Variants in TTC7B observed in about 807,000 individuals in gnomAD.
TTC7B encodes the protein tetratricopeptide repeat protein 7B.
In TTC7B, 28 loss-of-function variants were observed where a neutral mutation model predicts 106.8. That is an observed-to-expected ratio of 0.26 (90% CI 0.19 to 0.36). The LOEUF (loss-of-function observed/expected upper bound fraction) is 0.36. TTC7B is among the 10% of genes least tolerant of loss of function. TTC7B has a pLI of 1.00. For missense variants in TTC7B, 862 were observed against 1,076.4 expected, an observed-to-expected ratio of 0.80 and a Z score of 2.79; for synonymous variants, 405 against 430.6, an observed-to-expected ratio of 0.94 and a Z score of 0.74.
intron 15 of TTC7B, among the ~76,000 whole-genome samples, chr14:90,642,081 C>G (rs1294717367): frequency 6.6e-6 from 1 of 152,072 alleles, no homozygotes; most frequent in African/African-American, 2.4e-5. Context: ...AGTGCTTTAA[C>G]CATTTTAAGG....
rs1289122142 is a variant in TTC7B, at chr14:90,759,314, A to T, written c.446-14392T>A. Among the ~76,000 whole-genome samples the T allele has an allele frequency of 6.6e-6, 1 of 152,168 alleles. No individual in the cohort carries two copies. The highest frequency in any genetic ancestry group is 1.5e-5 in the Non-Finnish European group (1 of 68,034). On this transcript the variant is annotated intron_variant, in intron 3 of 19. Coordinates refer to ENST00000328459, the MANE Select transcript of TTC7B (RefSeq NM_001010854.2). This position sits in a 1 kb window ranked among gnomAD's most constrained non-coding sequence, Gnocchi z 4.1. ...TTTGGGAGAAGAAAATGAACACCAG[A>T]CATGGTTTGGAAACGATGGAAGCCA...
At chr14:90,556,115 A>G (rs1258707173) in intron 19 of TTC7B, among the ~76,000 whole-genome samples, 3 of 152,212 alleles carry the variant, frequency 2.0e-5, no homozygotes, top group Admixed American at 6.5e-5. Flanking sequence ...CCCACGTAAC[A>G]TCAAAGGACA....
rs144684908 is a variant in TTC7B, at chr14:90,757,312, C to G, written c.446-12390G>C. Among the ~76,000 whole-genome samples the G allele has an allele frequency of 2.6e-5, 4 of 152,286 alleles. No individual in the cohort carries two copies. The highest frequency in any genetic ancestry group is 5.9e-5 in the Non-Finnish European group (4 of 68,020). On this transcript the variant is annotated intron_variant, in intron 3 of 19. Coordinates refer to ENST00000328459, the MANE Select transcript of TTC7B (RefSeq NM_001010854.2). The surrounding 1 kb of genome is among the most constrained non-coding windows in gnomAD (Gnocchi z 4.1). ...ATGAAAAGCAGTCCTGGCGCGGTGG[C>G]TCACATCTGTATTCCCAGCACTTTG...
rs1445892690 is a variant in TTC7B at position 90,590,752 on chromosome 14, C to T, written c.2107+2734G>A. 5.3e-5 allele frequency among the ~76,000 whole-genome samples: 8 copies of T among 152,122 alleles called. No individual in the cohort carries two copies. In the South Asian group the frequency reaches 1.2e-3, roughly 24 times the overall value. On this transcript the variant is annotated intron_variant, in intron 18 of 19. Coordinates refer to ENST00000328459, the MANE Select transcript of TTC7B (RefSeq NM_001010854.2). Reference sequence around the variant, plus strand: ...TGAAGGACTATGTGAATATATGATACGATTCTAAATCTTGACTCAAGCAAA... The same window carrying T: ...TGAAGGACTATGTGAATATATGATATGATTCTAAATCTTGACTCAAGCAAA...
rs890840550 is a variant in TTC7B at position 90,804,814 on chromosome 14, G to T, written c.121+11361C>A. Among the ~76,000 whole-genome samples the T allele has an allele frequency of 3.3e-5, 5 of 152,332 alleles. No individual in the cohort carries two copies. In the Middle Eastern group the frequency reaches 0.01, roughly 311 times the overall value. Reference sequence around the variant, plus strand: ...CTTCGGGCCTGCAAGGGCCAGGGGGGTAGTTCCTCAAGGGAACCAGGCCTC... The same window carrying T: ...CTTCGGGCCTGCAAGGGCCAGGGGGTTAGTTCCTCAAGGGAACCAGGCCTC... On this transcript the variant is annotated intron_variant, in intron 1 of 19. Coordinates refer to ENST00000328459, the MANE Select transcript of TTC7B (RefSeq NM_001010854.2).
chr14:90,568,240 C>T (rs1890880704), intron 19 of TTC7B, among the ~76,000 whole-genome samples: 1 of 152,116 alleles, frequency 6.6e-6, no homozygotes, highest in Non-Finnish European at 1.5e-5. Flanking sequence ...GAATCGGGAC[C>T]AGAATCTGAG....
chr14:90,626,356 T>C (rs1344867673), intron 15 of TTC7B, among the ~76,000 whole-genome samples: 1 of 152,144 alleles, frequency 6.6e-6, no homozygotes, highest in African/African-American at 2.4e-5. Context: ...CCCCTGCCCG[T>C]GTCTTGAACA....
At chr14:90,590,451 C>A (rs560320056) in intron 18 of TTC7B, among the ~76,000 whole-genome samples, 1 of 152,202 alleles carries the variant, frequency 6.6e-6, no homozygotes, top group Non-Finnish European at 1.5e-5. Flanking sequence ...CCAGAAAAAA[C>A]CACCAGGAGA....
chr14:90,687,132 A>G (rs897775853), intron 7 of TTC7B, among the ~76,000 whole-genome samples: 14 of 152,196 alleles, frequency 9.2e-5, no homozygotes, highest in African/African-American at 3.4e-4. Flanking sequence ...CGATGGATGC[A>G]CAACTAGGCA....
chr14:90,705,040 G>C (rs1043524102), intron 5 of TTC7B, among the ~76,000 whole-genome samples: 1 of 152,198 alleles, frequency 6.6e-6, no homozygotes, highest in Non-Finnish European at 1.5e-5. Context: ...GCCCCTCTAA[G>C]CCATCCAGAG....
chr14:90,815,640 C>T (rs1188623576), intron 1 of TTC7B, among the ~76,000 whole-genome samples: 1 of 152,142 alleles, frequency 6.6e-6, no homozygotes, highest in Non-Finnish European at 1.5e-5. Context: ...CCACCCCACA[C>T]ACCTCGAGTC....
At chr14:90,649,770 T>A (rs1387462922) in intron 13 of TTC7B, among the ~76,000 whole-genome samples, 1 of 144,632 alleles carries the variant, frequency 6.9e-6, no homozygotes, top group African/African-American at 2.5e-5. Flanking sequence ...CCATCCACCA[T>A]CCAACCATCC....
At chr14:90,794,229 T>G (rs1023223377) in intron 1 of TTC7B, among the ~76,000 whole-genome samples, 1 of 105,966 alleles carries the variant, frequency 9.4e-6, no homozygotes, top group Non-Finnish European at 2.1e-5. Context: ...TTTTTTTTTT[T>G]TTTTTTTTGA....
rs147330824 is a variant in TTC7B at position 90,689,603 on chromosome 14, C to T, written c.887G>A (p.Arg296His). 98 of 1,613,980 alleles carry T rather than the reference C, an allele frequency of 6.1e-5. 1 individual carries two copies. The highest frequency in any genetic ancestry group is 2.9e-4 in the African/African-American group (22 of 74,912). The change falls in exon 7 of 20, where the codon CGC becomes CAC. Residue 296 changes from arginine to histidine, a missense_variant. Physicochemically the swap from Arg to His is conservative, Grantham distance 29. Transcript: ENST00000328459. ...PCQSPLDDPL[R>H]KGANTKTYTL... is the part of the protein sequence containing the mutation. Reference sequence around the variant, plus strand: ...GTAGGTTTTTGTGTTTGCTCCTTTGCGGAGAGGATCGTCCAGAGGTGACTG... The same window carrying T: ...GTAGGTTTTTGTGTTTGCTCCTTTGTGGAGAGGATCGTCCAGAGGTGACTG...
intron 17 of TTC7B, 194 bp from the exon 18 acceptor site, chr14:90,593,820 T>A: frequency 2.1e-6 from 1 of 481,514 alleles, no homozygotes; most frequent in Non-Finnish European, 3.5e-6. Flanking sequence ...TTAGCTAATC[T>A]TTTTGTCAAC....
intron 3 of TTC7B, among the ~76,000 whole-genome samples, chr14:90,765,722 A>T (rs2140021085): frequency 6.6e-6 from 1 of 152,340 alleles, no homozygotes; most frequent in South Asian, 2.1e-4. Context: ...CTAGAGAAGC[A>T]AATATAAAGC....
At chr14:90,745,779 A>G (rs1432732429) in intron 3 of TTC7B, among the ~76,000 whole-genome samples, 1 of 149,382 alleles carries the variant, frequency 6.7e-6, no homozygotes, top group South Asian at 2.1e-4. Context: ...ACCTCGGCTC[A>G]CTGCAATGTC....
intron 6 of TTC7B, among the ~76,000 whole-genome samples, chr14:90,689,966 G>C (rs1887406538): frequency 2.0e-5 from 3 of 152,124 alleles, no homozygotes; most frequent in Admixed American, 6.6e-5. Flanking sequence ...TCACACTCTG[G>C]AATACTAAAC....
intron 3 of TTC7B, among the ~76,000 whole-genome samples, chr14:90,776,533 G>C (rs1295643759): frequency 3.9e-5 from 6 of 152,116 alleles, no homozygotes; most frequent in East Asian, 3.9e-4. Flanking sequence ...TCTTCCCAGG[G>C]GGCTTCAGAG....
Sources: allele counts gnomAD v4.1 joint callset (sites outside exome capture counted in the v4.1 genomes callset), GRCh38; gene constraint gnomAD v4.1.1; non-coding constraint Gnocchi (gnomAD v3.1); transcripts MANE v1.5; gene names NCBI Gene and HGNC (gene_info 2026-07-23, HGNC 2026-07-21).